The following TRNAU1AP variants were observed in gnomAD, a reference collection of about 807,000 sequenced individuals.
TRNAU1AP encodes the protein tRNA selenocysteine 1 associated protein 1.
Under a neutral mutation model 43.3 loss-of-function variants are expected in TRNAU1AP, and 33 were observed. The ratio of observed to expected loss-of-function variants is 0.76; its 90% CI spans 0.58 to 1.02. TRNAU1AP has a LOEUF of 1.02. Ranked by LOEUF, TRNAU1AP falls within the 50% of genes least tolerant of loss-of-function variation. TRNAU1AP has a pLI of 0.00. For synonymous variants in TRNAU1AP, 143 were observed against 129.1 expected (o/e 1.11, Z -0.73); for missense variants, 290 against 362.7 (o/e 0.80, Z 1.63).
chr1:28,561,509 G>A (rs1472288639), intron 4 of TRNAU1AP, 111 bp downstream of exon 4: 8 of 1,190,148 alleles, frequency 6.7e-6, no homozygotes, highest in Middle Eastern at 1.9e-4. Flanking sequence ...CCTGAAGGAC[G>A]ACGCTCTTCT....
intron 5 of TRNAU1AP, 193 bp downstream of exon 5, chr1:28,565,027 C>A: frequency 1.6e-6 from 1 of 616,116 alleles, no homozygotes. Context: ...AGCTCTGTGA[C>A]CCTTACAGCC....
rs929394413 is a variant in TRNAU1AP at position 28,553,104 on chromosome 1, C to T, written c.-7C>T. On this transcript the variant is annotated 5_prime_UTR_variant, in exon 1 of 9. Transcript: ENST00000373830. The stretch of plus-strand genomic sequence containing the variant: ...CCGCCCGCAAAGCCCCACCCCGGTG[C>T]GCGGGTATGGCGGCCAGCCTGTGGA... 1.3e-6 allele frequency: 2 copies of T among 1,523,286 alleles called. No homozygotes were observed. The highest frequency in any genetic ancestry group is 2.6e-5 in the East Asian group (1 of 38,678). The allele number at this position is 1,523,286 out of a possible 1,614,324, so 94.4% of individuals were successfully genotyped here.
rs553335964 is a variant in TRNAU1AP, at chr1:28,575,611, C to T, written c.728-1889C>T. 5.1e-4 allele frequency among the ~76,000 whole-genome samples: 76 copies of T among 149,290 alleles called. 1 individual carries two copies. The Middle Eastern group carries it at 0.014, about 27-fold the overall frequency. On this transcript the variant is annotated intron_variant, in intron 8 of 8. Coordinates refer to ENST00000373830, the MANE Select transcript of TRNAU1AP (RefSeq NM_017846.5). ...CCGAGTAGCTGGGATTACAGGCATG[C>T]GCCATCATGCCCAGCTAATTTTCTT...
chr1:28,560,802 C>A, intron 3 of TRNAU1AP, 70 bp downstream of exon 3: 2 of 1,226,146 alleles, frequency 1.6e-6, no homozygotes, highest in Non-Finnish European at 2.3e-6. Flanking sequence ...TATTGAATCC[C>A]TACTGTATAC....
chr1:28,553,655 G>C lies in TRNAU1AP; in HGVS notation c.43G>C (p.Asp15His), dbSNP rs776493711. The change falls in exon 2 of 9, where the codon GAT becomes CAT. Residue 15 changes from aspartate (D) to histidine (H), a missense_variant. Coordinates refer to ENST00000373830, the MANE Select transcript of TRNAU1AP (RefSeq NM_017846.5). ...LWMGDLEPYMDENFISRAFAT... is the reference protein window; with the variant it reads ...LWMGDLEPYMHENFISRAFAT... ...TTTTACGCAGCTGGAACCCTACATG[G>C]ATGAGAACTTCATCTCCAGAGCCTT... 1 of 1,614,104 alleles carries C rather than the reference G, an allele frequency of 6.2e-7. No individual in the cohort carries two copies. Among genetic ancestry groups the C allele is most frequent in the Non-Finnish European group, 8.5e-7 (1 of 1,180,026 alleles).
chr1:28,567,640 C>T (rs1200587258), intron 6 of TRNAU1AP, among the ~76,000 whole-genome samples: 1 of 152,140 alleles, frequency 6.6e-6, no homozygotes, highest in Non-Finnish European at 1.5e-5. Flanking sequence ...TTTGGAAAGG[C>T]TGATGTATTC....
intron 2 of TRNAU1AP, 126 bp from the exon 3 acceptor site, chr1:28,560,507 C>G (rs1665381557): frequency 2.9e-6 from 2 of 687,304 alleles, no homozygotes; most frequent in Non-Finnish European, 5.0e-6. Context: ...GTCTCCTGAC[C>G]TTCAGTGATC....
intron 4 of TRNAU1AP, among the ~76,000 whole-genome samples, chr1:28,563,401 G>A (rs1003367181): frequency 5.3e-5 from 8 of 151,748 alleles, no homozygotes; most frequent in Non-Finnish European, 1.2e-4. Context: ...TACAAAAATT[G>A]GCTGGGCGTG....
intron 2 of TRNAU1AP, among the ~76,000 whole-genome samples, chr1:28,554,264 T>C (rs1409481521): frequency 6.6e-6 from 1 of 151,882 alleles, no homozygotes; most frequent in Non-Finnish European, 1.5e-5. Flanking sequence ...GAAAGCTATT[T>C]CTACTCTATG....
rs114780088 is a variant in TRNAU1AP, at chr1:28,571,869, A to G, written c.696A>G (p.Thr232=). ...QYGYTQSTMQ[T]YEEVGDDALE... is the part of the protein sequence containing the mutation. ...CCACATCTCTGGTCTCTTGGCAGAC[A>G]TATGAAGAAGTTGGAGATGATGCAT... The change falls in exon 8 of 9, where the codon ACA becomes ACG. Residue 232 remains threonine (T), a splice_region_variant and synonymous_variant. Coordinates refer to ENST00000373830, the MANE Select transcript of TRNAU1AP (RefSeq NM_017846.5). 9.2e-4 allele frequency: 1,489 copies of G among 1,613,026 alleles called. 16 individuals carry two copies. In the African/African-American group the frequency reaches 0.018, roughly 20 times the overall value.
intron 4 of TRNAU1AP, among the ~76,000 whole-genome samples, chr1:28,563,679 G>A (rs1007543090): frequency 4.1e-5 from 6 of 147,848 alleles, no homozygotes; most frequent in African/African-American, 1.3e-4. Flanking sequence ...GCGAGACTCC[G>A]TCTCAAAAAA....
chr1:28,559,787 A>G (rs186099476), intron 2 of TRNAU1AP, among the ~76,000 whole-genome samples: 2 of 152,332 alleles, frequency 1.3e-5, no homozygotes, highest in African/African-American at 2.4e-5. Flanking sequence ...GCATAATACA[A>G]TTTTGACAAG....
chr1:28,563,806 C>T (rs9426317), intron 4 of TRNAU1AP, among the ~76,000 whole-genome samples: 38,398 of 151,864 alleles, frequency 0.25, 5,099 homozygotes, highest in Middle Eastern at 0.35. Flanking sequence ...GAGCCGAGAT[C>T]ACGCCACTGC....
At position 28,571,991 on chromosome 1, in the gene TRNAU1AP, A is replaced by C. The variant is rs189830234; in HGVS notation, c.727+91A>C. 42 of 1,146,472 alleles carry C rather than the reference A, an allele frequency of 3.7e-5. No individual in the cohort carries two copies. The African/African-American group carries it at 6.0e-4, about 16-fold the overall frequency. The allele number at this position is 1,146,472 out of a possible 1,614,324, so 71.0% of individuals were successfully genotyped here. Reference sequence around the variant, plus strand: ...CTCTCAGCTAGAGGGAAGACAAGATAAATTCTGCTCTGGAAGAACTTACAT... The same window carrying C: ...CTCTCAGCTAGAGGGAAGACAAGATCAATTCTGCTCTGGAAGAACTTACAT... On this transcript the variant is annotated intron_variant, in intron 8 of 8. Coordinates refer to ENST00000373830, the MANE Select transcript of TRNAU1AP (RefSeq NM_017846.5).
At chr1:28,558,062 ATT>A (rs998976595) in intron 2 of TRNAU1AP, among the ~76,000 whole-genome samples, 7 of 122,104 alleles carry the variant, frequency 5.7e-5, no homozygotes, top group Admixed American at 8.6e-5. Flanking sequence ...TGCCTGGCTA[ATT>A]TTTTTTTTTT....
chr1:28,567,005 C>G (rs1238500752), intron 5 of TRNAU1AP, among the ~76,000 whole-genome samples: 1 of 152,194 alleles, frequency 6.6e-6, no homozygotes, highest in Non-Finnish European at 1.5e-5. Context: ...GGGGAAGCTC[C>G]TATTTGGGAA....
chr1:28,568,201 C>T (rs527770395), intron 6 of TRNAU1AP, among the ~76,000 whole-genome samples: 26 of 152,210 alleles, frequency 1.7e-4, no homozygotes, highest in African/African-American at 6.3e-4. Context: ...CTCTACAGAA[C>T]ATTATATACT....
Position 28,560,621 on chromosome 1 carries a change from C to CT in TRNAU1AP, c.126-5dup, listed in dbSNP as rs749192850. 8 of 1,609,698 alleles carry CT rather than the reference C, an allele frequency of 5.0e-6. No individual in the cohort carries two copies. The highest frequency in any genetic ancestry group is 1.7e-5 in the Admixed American group (1 of 59,752). Reference sequence around the variant, plus strand: ...TTTAACCATTTTCTTTCTCTATTTGCTTTTTTTCCAGGATCCCAGCTGGCT... The same window carrying CT: ...TTTAACCATTTTCTTTCTCTATTTGCTTTTTTTTCCAGGATCCCAGCTGGCT... On this transcript the variant is annotated splice_polypyrimidine_tract_variant and intron_variant, in intron 2 of 8. Transcript: ENST00000373830.
intron 2 of TRNAU1AP, among the ~76,000 whole-genome samples, chr1:28,557,168 C>T (rs1404349565): frequency 6.6e-6 from 1 of 151,406 alleles, no homozygotes; most frequent in African/African-American, 2.4e-5. Context: ...ACCTGTAATC[C>T]CAGCACTTTG....
Sources: gnomAD v4.1 joint callset for allele counts (sites outside exome capture counted in the v4.1 genomes callset) on GRCh38, gnomAD v4.1.1 for gene constraint, MANE v1.5 for transcripts, NCBI Gene and HGNC (gene_info 2026-07-23, HGNC 2026-07-21) for gene names.